The following NRG1 variants were observed in gnomAD, a reference collection of about 807,000 sequenced individuals.
NRG1 encodes neuregulin 1.
In NRG1, 18 loss-of-function variants were observed where a neutral mutation model predicts 63.8. The ratio of observed to expected loss-of-function variants is 0.28; its 90% CI spans 0.19 to 0.42. NRG1 has a LOEUF of 0.42. Among genes scored for constraint, NRG1 ranks in the 10% least tolerant of loss-of-function variants. NRG1 has a pLI of 1.00. For synonymous variants in NRG1, 302 were observed against 301.3 expected, an observed-to-expected ratio of 1.00 and a Z score of -0.02; for missense variants, 762 against 814.7, an observed-to-expected ratio of 0.94 and a Z score of 0.79.
chr8:32,490,685 A>G (rs142786994), intron 1 of NRG1, among the ~76,000 whole-genome samples: 1,766 of 152,282 alleles, frequency 0.012, 28 homozygotes, highest in African/African-American at 0.041. Context: ...CAGAGACCAA[A>G]ATCATTTGTC....
chr8:32,365,825 T>G (rs942610000), intron 1 of NRG1, among the ~76,000 whole-genome samples: 2 of 152,222 alleles, frequency 1.3e-5, no homozygotes, highest in African/African-American at 4.8e-5. Flanking sequence ...GAAGATTACT[T>G]AATTATTCTA....
At chr8:31,938,034 G>T (rs1390249136) in intron 1 of NRG1, among the ~76,000 whole-genome samples, 4 of 152,112 alleles carry the variant, frequency 2.6e-5, no homozygotes, top group East Asian at 1.9e-4. Context: ...CCTAGGGCAA[G>T]TTTGCAACCT....
At chr8:32,097,981 G>A (rs1462766259) in intron 1 of NRG1, among the ~76,000 whole-genome samples, 2 of 152,168 alleles carry the variant, frequency 1.3e-5, no homozygotes, top group Non-Finnish European at 2.9e-5. Flanking sequence ...TTTAATTAAA[G>A]CCAGTTGGCC....
At chr8:31,786,822 G>C (rs1820219334) in intron 1 of NRG1, among the ~76,000 whole-genome samples, 1 of 152,140 alleles carries the variant, frequency 6.6e-6, no homozygotes, top group Non-Finnish European at 1.5e-5. Context: ...AGGAAACTCT[G>C]TATATTCTGT....
In NRG1 at chr8:32,256,692, T is replaced by A. The variant is rs1438915418; in HGVS notation, c.38-339136T>A. 4.6e-5 allele frequency: 7 copies of A among 152,596 alleles called. No homozygotes were observed. The East Asian group carries it at 1.3e-3, about 29-fold the overall frequency. The allele number at this position is 152,596 out of a possible 1,614,324, so 9.5% of individuals were successfully genotyped here. A position where few individuals can be genotyped will look rare whatever the true frequency, so the allele number is the denominator to read the frequency against. On this transcript the variant is annotated intron_variant, in intron 1 of 10. Transcript: ENST00000519301. ...AGAGGGACACCTGCCAGATGCCAGC[T>A]GGAGCTCTCTTGTGTGAGGTGTCTG... is the stretch of plus-strand genomic sequence containing the variant.
rs192658624 is a variant in NRG1 at position 32,332,315 on chromosome 8, C to T, written c.38-263513C>T. ...GGTTTCTCCTCCTTTCTTCCTAAGA[C>T]AGCTCTTTTCCCACTTTCTCTCTGG... On this transcript the variant is annotated intron_variant, in intron 1 of 10. Coordinates refer to the NRG1 transcript ENST00000519301. Among the ~76,000 whole-genome samples, 253 of 152,224 alleles carry T rather than the reference C, an allele frequency of 1.7e-3. 1 individual carries two copies. Among genetic ancestry groups the T allele is most frequent in the African/African-American group, 5.8e-3 (243 of 41,546 alleles).
At chr8:31,661,995 GAA>G (rs1377000740) in intron 1 of NRG1, among the ~76,000 whole-genome samples, 3 of 152,194 alleles carry the variant, frequency 2.0e-5, no homozygotes, top group Non-Finnish European at 4.4e-5. Context: ...AAATGAAAAT[GAA>G]AAGAGTCATT....
chr8:32,616,881 T>C (rs756584887), exon 5 of NRG1: 6 of 1,584,424 alleles, frequency 3.8e-6, no homozygotes, highest in African/African-American at 1.3e-5. Flanking sequence ...CAAATACTTC[T>C]TCATGTAAGT....
At chr8:32,099,928 G>C (rs112593003) in intron 1 of NRG1, among the ~76,000 whole-genome samples, 3,197 of 152,176 alleles carry the variant, frequency 0.021, 129 homozygotes, top group African/African-American at 0.073. Flanking sequence ...GAAGGTGGAG[G>C]GGGGAACATG....
chr8:32,524,612 TA>T (rs760757276), intron 1 of NRG1, among the ~76,000 whole-genome samples: 14 of 152,190 alleles, frequency 9.2e-5, no homozygotes, highest in Non-Finnish European at 1.3e-4. Context: ...ATCATGGGTC[TA>T]AAACCAGACA....
At chr8:32,473,847 C>T (rs553656687) in intron 1 of NRG1, among the ~76,000 whole-genome samples, 2 of 152,100 alleles carry the variant, frequency 1.3e-5, no homozygotes, top group South Asian at 4.1e-4. Context: ...TCAGGCCCAA[C>T]TACATTTTTA....
At chr8:32,374,254 A>C (rs1158478805) in intron 1 of NRG1, among the ~76,000 whole-genome samples, 1 of 152,218 alleles carries the variant, frequency 6.6e-6, no homozygotes, top group Admixed American at 6.5e-5. Context: ...GAGCCAATAG[A>C]AAAACACATA....
At chr8:32,724,653 A>C (rs983442123) in intron 5 of NRG1, among the ~76,000 whole-genome samples, 1 of 152,160 alleles carries the variant, frequency 6.6e-6, no homozygotes, top group Non-Finnish European at 1.5e-5. Context: ...TCCGACAATT[A>C]CAACTTATTC....
chr8:31,707,751 C>T (rs1811292257), intron 1 of NRG1, among the ~76,000 whole-genome samples: 1 of 151,960 alleles, frequency 6.6e-6, no homozygotes, highest in East Asian at 1.9e-4. Flanking sequence ...TTAGTGATTT[C>T]TATATGTTGA....
intron 1 of NRG1, among the ~76,000 whole-genome samples, chr8:32,458,533 A>C (rs1442968422): frequency 6.6e-6 from 1 of 152,136 alleles, no homozygotes; most frequent in Non-Finnish European, 1.5e-5. Context: ...GAAGTCTACC[A>C]CAACAAATAT....
At chr8:32,606,788 C>T (rs1468813167) in intron 3 of NRG1, among the ~76,000 whole-genome samples, 2 of 152,140 alleles carry the variant, frequency 1.3e-5, no homozygotes, top group East Asian at 1.9e-4. Context: ...CAAAGGCAAG[C>T]GCTCTTAAAG....
chr8:32,373,984 G>T (rs1252277035), intron 1 of NRG1, among the ~76,000 whole-genome samples: 1 of 152,020 alleles, frequency 6.6e-6, no homozygotes, highest in Non-Finnish European at 1.5e-5. Context: ...TGAGATTATG[G>T]GTAACATTGT....
intron 1 of NRG1, among the ~76,000 whole-genome samples, chr8:31,690,715 A>G (rs1315786386): frequency 6.6e-6 from 1 of 152,172 alleles, no homozygotes; most frequent in African/African-American, 2.4e-5. Flanking sequence ...TATGACAGAA[A>G]GAGGTTCCAA....
intron 1 of NRG1, among the ~76,000 whole-genome samples, chr8:32,336,351 G>T (rs917943598): frequency 5.3e-5 from 8 of 152,184 alleles, no homozygotes; most frequent in African/African-American, 1.9e-4. Flanking sequence ...GGAGCAGCGA[G>T]AGAACAACCA....
Sources: allele counts gnomAD v4.1 joint callset (sites outside exome capture counted in the v4.1 genomes callset), GRCh38; gene constraint gnomAD v4.1.1; transcripts MANE v1.5; gene names NCBI Gene and HGNC (gene_info 2026-07-23, HGNC 2026-07-21).